Variants in RPL8 observed in about 807,000 individuals in gnomAD.
RPL8 encodes the protein ribosomal protein L8.
For missense variants in RPL8, 248 were observed against 365.9 expected (o/e 0.68, Z 2.63); for synonymous variants, 182 against 143.2 (o/e 1.27, Z -1.94).
intron 2 of RPL8, 53 bp downstream of exon 2, chr8:144,791,720 C>G: frequency 1.2e-6 from 2 of 1,609,822 alleles, no homozygotes; most frequent in Non-Finnish European, 1.7e-6. Flanking sequence ...ACTCCTCAGG[C>G]AACACCCAGA....
Position 144,792,357 on chromosome 8 carries a change from A to C in RPL8, c.-228T>G. On this transcript the variant is annotated 5_prime_UTR_variant, in exon 1 of 5. Coordinates refer to ENST00000528957, the MANE Select transcript of RPL8 (RefSeq NM_001317782.2). ...CTGCCCATGCCGCAAGGCCGCAAGG[A>C]TGACCTACCTGTTCACCAGCGCGGC... 1.4e-6 allele frequency: 1 copy of C among 694,962 alleles called. No individual in the cohort carries two copies. The highest frequency in any genetic ancestry group is 2.1e-6 in the Non-Finnish European group (1 of 485,006). The allele number at this position is 694,962 out of a possible 1,614,324, so 43.0% of individuals were successfully genotyped here.
chr8:144,792,007 G>C lies in RPL8; in HGVS notation c.123C>G (p.Ile41Met). The C allele has an allele frequency of 6.2e-7, 1 of 1,608,964 alleles. No individual in the cohort carries two copies. Among genetic ancestry groups the C allele is most frequent in the Non-Finnish European group, 8.5e-7 (1 of 1,177,842 alleles). The part of the protein sequence containing the change: ...AVDFAERHGY[I>M]KGIVKDIIHD... Reference sequence around the variant, plus strand: ...CGTTCCGCACCTTGACGATGCCCTTGATGTAGCCGTGCCGCTCAGCGAAAT... The same window carrying C: ...CGTTCCGCACCTTGACGATGCCCTTCATGTAGCCGTGCCGCTCAGCGAAAT... Residue 41 changes from isoleucine (I) to methionine (M), a missense_variant, in exon 1 of 5, where the codon ATC (isoleucine) becomes ATG (methionine). Ile to Met is a conservative substitution (Grantham distance 10). Coordinates refer to ENST00000528957, the MANE Select transcript of RPL8 (RefSeq NM_001317782.2).
At chr8:144,790,840 T>C in intron 3 of RPL8, 2 of 534,190 alleles carry the variant, frequency 3.7e-6, no homozygotes, top group Non-Finnish European at 7.2e-6. Flanking sequence ...GAGCCTCCCC[T>C]GTGCGAGGCT....
intron 3 of RPL8, chr8:144,791,008 C>T (rs2130375521): frequency 1.9e-6 from 1 of 529,228 alleles, no homozygotes; most frequent in East Asian, 3.5e-5. Context: ...GCAAGTGCAG[C>T]AATCAGGAAG....
Position 144,792,383 on chromosome 8 carries a change from C to A in RPL8, c.-254G>T, listed in dbSNP as rs118000299. ...TGACCTACCTGTTCACCAGCGCGGC[C>A]GAAAGAGGAAACACGGCGTCAGCGA... On this transcript the variant is annotated 5_prime_UTR_variant, in exon 1 of 5. Coordinates refer to ENST00000528957, the MANE Select transcript of RPL8 (RefSeq NM_001317782.2). 0.013 allele frequency: 8,486 copies of A among 667,734 alleles called. 124 individuals are homozygous for A. The highest frequency in any genetic ancestry group is 0.07 in the Admixed American group (1,554 of 22,314). The allele number at this position is 667,734 out of a possible 1,614,324, so 41.4% of individuals were successfully genotyped here. A position where few individuals can be genotyped will look rare whatever the true frequency, so the allele number is the denominator to read the frequency against.
Position 144,792,384 on chromosome 8 carries a change from G to GA in RPL8, c.-256dup. 1.5e-6 allele frequency: 1 copy of GA among 666,630 alleles called. No individual in the cohort carries two copies. Among genetic ancestry groups the GA allele is most frequent in the Middle Eastern group, 4.8e-4 (1 of 2,084 alleles). 41.3% of individuals were successfully genotyped at this position (666,630 alleles called of 1,614,324 possible). On this transcript the variant is annotated 5_prime_UTR_variant, in exon 1 of 5. Transcript: ENST00000528957. ...GACCTACCTGTTCACCAGCGCGGCCGAAAGAGGAAACACGGCGTCAGCGAG... is the reference window on the plus strand; with the variant it reads ...GACCTACCTGTTCACCAGCGCGGCCGAAAAGAGGAAACACGGCGTCAGCGAG...
chr8:144,790,046 A>G lies in RPL8; in HGVS notation c.616-84T>C, dbSNP rs111365394. 21,537 of 1,448,748 alleles carry G rather than the reference A, an allele frequency of 0.015. 2,582 individuals are homozygous for G. The African/African-American group carries it at 0.26, about 18-fold the overall frequency. 89.7% of individuals were successfully genotyped at this position (1,448,748 alleles called of 1,614,324 possible). A position where few individuals can be genotyped will look rare whatever the true frequency, so the allele number is the denominator to read the frequency against. On this transcript the variant is annotated intron_variant, in intron 4 of 4. Coordinates refer to ENST00000528957, the MANE Select transcript of RPL8 (RefSeq NM_001317782.2). ...TCGGGGTCCCACCCGTCAGGGGCCC[A>G]ATTCCGCGAAGCCCCTCTCCACAGC...
rs1826569546 is a variant in RPL8 at position 144,792,363 on chromosome 8, T to C, written c.-234A>G. On this transcript the variant is annotated 5_prime_UTR_variant, in exon 1 of 5. Coordinates refer to ENST00000528957, the MANE Select transcript of RPL8 (RefSeq NM_001317782.2). ...ATGCCGCAAGGCCGCAAGGATGACC[T>C]ACCTGTTCACCAGCGCGGCCGAAAG... 6 of 658,682 alleles carry C rather than the reference T, an allele frequency of 9.1e-6. No homozygotes were observed. The highest frequency in any genetic ancestry group is 4.8e-5 in the South Asian group (1 of 21,016). 40.8% of individuals were successfully genotyped at this position (658,682 alleles called of 1,614,324 possible).
At position 144,790,531 on chromosome 8, in the gene RPL8, C is replaced by T. The variant is rs951379453; in HGVS notation, c.500-61G>A. ...CGGTCAGAGCACCCCCACCTCCCCTCAATCTCCTGTCATGCACCTTCCCAA... is the reference window on the plus strand; with the variant it reads ...CGGTCAGAGCACCCCCACCTCCCCTTAATCTCCTGTCATGCACCTTCCCAA... On this transcript the variant is annotated intron_variant, in intron 3 of 4. Coordinates refer to ENST00000528957, the MANE Select transcript of RPL8 (RefSeq NM_001317782.2). The T allele has an allele frequency of 5.5e-6, 7 of 1,265,936 alleles. No individual in the cohort carries two copies. The African/African-American group carries it at 1.0e-4, about 19-fold the overall frequency. The allele number at this position is 1,265,936 out of a possible 1,614,324, so 78.4% of individuals were successfully genotyped here. A position where few individuals can be genotyped will look rare whatever the true frequency, so the allele number is the denominator to read the frequency against.
In RPL8 at chr8:144,791,819, G is replaced by A. The variant is rs750955278; in HGVS notation, c.234C>T (p.Ala78=). Residue 78 remains alanine, a synonymous_variant, in exon 2 of 5, where the codon GCC becomes GCT. Transcript: ENST00000528957. The part of the protein sequence containing the change: ...RFKKRTELFI[A]AEGIHTGQFV... Reference sequence around the variant, plus strand: ...ACTGGCCCGTGTGAATGCCCTCGGCGGCAATGAACAGCTCCGTCCGCTTCT... The same window carrying A: ...ACTGGCCCGTGTGAATGCCCTCGGCAGCAATGAACAGCTCCGTCCGCTTCT... The A allele has an allele frequency of 9.3e-6, 15 of 1,613,836 alleles. No individual in the cohort carries two copies. Among genetic ancestry groups the A allele is most frequent in the Non-Finnish European group, 1.2e-5 (14 of 1,180,028 alleles).
chr8:144,792,368 G>T lies in RPL8; in HGVS notation c.-239C>A. On this transcript the variant is annotated 5_prime_UTR_variant, in exon 1 of 5. Transcript: ENST00000528957. ...GCAAGGCCGCAAGGATGACCTACCT[G>T]TTCACCAGCGCGGCCGAAAGAGGAA... The T allele has an allele frequency of 1.5e-6, 1 of 660,510 alleles. No individual in the cohort carries two copies. Among genetic ancestry groups the T allele is most frequent in the Non-Finnish European group, 2.2e-6 (1 of 461,530 alleles). The allele number at this position is 660,510 out of a possible 1,614,324, so 40.9% of individuals were successfully genotyped here. A position where few individuals can be genotyped will look rare whatever the true frequency, so the allele number is the denominator to read the frequency against.
Position 144,791,829 on chromosome 8 carries a change from A to C in RPL8, c.224T>G (p.Leu75Arg). ...DPYRFKKRTE[L>R]FIAAEGIHTG... ...GTGAATGCCCTCGGCGGCAATGAAC[A>C]GCTCCGTCCGCTTCTTAAACCGATA... is the stretch of plus-strand genomic sequence containing the variant. The change falls in exon 2 of 5, where the codon CTG (leucine) becomes CGG (arginine). Residue 75 changes from leucine (L) to arginine (R), a missense_variant. Leu to Arg is a moderately radical substitution (Grantham distance 102, BLOSUM62 -2). Coordinates refer to ENST00000528957, the MANE Select transcript of RPL8 (RefSeq NM_001317782.2). 6.2e-7 allele frequency: 1 copy of C among 1,613,926 alleles called. No homozygotes were observed. The highest frequency in any genetic ancestry group is 8.5e-7 in the Non-Finnish European group (1 of 1,180,016).
intron 3 of RPL8, chr8:144,790,821 A>G: frequency 1.8e-6 from 1 of 553,674 alleles, no homozygotes; most frequent in South Asian, 1.5e-5. Flanking sequence ...TTCCAGGAAC[A>G]CAACCTCAGA....
In RPL8 at chr8:144,791,166, G is replaced by C. The variant is rs112564392; in HGVS notation, c.499+111C>G. Reference sequence around the variant, plus strand: ...TCAAACTTACAGAACCCAAGTTTTAGAACAACAGGTAATCGAATTCCAGGG... The same window carrying C: ...TCAAACTTACAGAACCCAAGTTTTACAACAACAGGTAATCGAATTCCAGGG... On this transcript the variant is annotated intron_variant, in intron 3 of 4. Coordinates refer to ENST00000528957, the MANE Select transcript of RPL8 (RefSeq NM_001317782.2). 2.1e-3 allele frequency: 2,318 copies of C among 1,091,518 alleles called. 31 individuals carry two copies. The African/African-American group carries it at 0.028, about 13-fold the overall frequency. 67.6% of individuals were successfully genotyped at this position (1,091,518 alleles called of 1,614,324 possible). A position where few individuals can be genotyped will look rare whatever the true frequency, so the allele number is the denominator to read the frequency against.
chr8:144,790,873 G>A, intron 3 of RPL8: 2 of 516,654 alleles, frequency 3.9e-6, no homozygotes, highest in African/African-American at 1.9e-5. Flanking sequence ...AGGATTCCAA[G>A]ATGTTCCCAA....
intron 4 of RPL8, 50 bp from the exon 5 acceptor site, chr8:144,790,012 C>T (rs150399585): frequency 6.5e-7 from 1 of 1,548,358 alleles, no homozygotes; most frequent in Non-Finnish European, 8.7e-7. Context: ...ACCACCCCCG[C>T]CCCCGGCCTC....
At position 144,792,353 on chromosome 8, in the gene RPL8, A is replaced by T. The variant is rs1563801843; in HGVS notation, c.-224T>A. On this transcript the variant is annotated 5_prime_UTR_variant, in exon 1 of 5. Transcript: ENST00000528957. ...GATACTGCCCATGCCGCAAGGCCGC[A>T]AGGATGACCTACCTGTTCACCAGCG... is the stretch of plus-strand genomic sequence containing the variant. 2.8e-6 allele frequency: 2 copies of T among 704,998 alleles called. No homozygotes were observed. Among genetic ancestry groups the T allele is most frequent in the Non-Finnish European group, 4.1e-6 (2 of 492,860 alleles). 43.7% of individuals were successfully genotyped at this position (704,998 alleles called of 1,614,324 possible).
At position 144,790,295 on chromosome 8, in the gene RPL8, TAC is replaced by T. The variant is rs1169954873; in HGVS notation, c.615+58_615+59del. On this transcript the variant is annotated intron_variant, in intron 4 of 4. Coordinates refer to ENST00000528957, the MANE Select transcript of RPL8 (RefSeq NM_001317782.2). ...GGGACACCTGTGGATGGGACTTGCCTACCCAACAGTGTGGCCACTGTAACTTC... is the reference window on the plus strand; with the variant it reads ...GGGACACCTGTGGATGGGACTTGCCTCCAACAGTGTGGCCACTGTAACTTC... The T allele has an allele frequency of 2.8e-6, 4 of 1,410,518 alleles. No individual in the cohort carries two copies. In the African/African-American group the frequency reaches 5.7e-5, roughly 20 times the overall value. The allele number at this position is 1,410,518 out of a possible 1,614,324, so 87.4% of individuals were successfully genotyped here.
Position 144,792,210 on chromosome 8 carries a change from C to G in RPL8, c.-81G>C. 1 of 1,396,260 alleles carries G rather than the reference C, an allele frequency of 7.2e-7. No homozygotes were observed. Among genetic ancestry groups the G allele is most frequent in the Non-Finnish European group, 9.2e-7 (1 of 1,082,498 alleles). 86.5% of individuals were successfully genotyped at this position (1,396,260 alleles called of 1,614,324 possible). On this transcript the variant is annotated 5_prime_UTR_variant, in exon 1 of 5. Coordinates refer to ENST00000528957, the MANE Select transcript of RPL8 (RefSeq NM_001317782.2). Reference sequence around the variant, plus strand: ...CCCGCCAGCCCGGCTTTCCGGGACCCCGCCCCCGAGGCCGCCGCGCCCACC... The same window carrying G: ...CCCGCCAGCCCGGCTTTCCGGGACCGCGCCCCCGAGGCCGCCGCGCCCACC...
Sources: gnomAD v4.1 joint callset for allele counts on GRCh38, gnomAD v4.1.1 for gene constraint, MANE v1.5 for transcripts, NCBI Gene and HGNC (gene_info 2026-07-23, HGNC 2026-07-21) for gene names.